Variants in SCHIP1 observed in about 807,000 individuals in gnomAD.
The protein encoded by SCHIP1 is schwannomin-interacting protein 1.
In SCHIP1, 8 loss-of-function variants were observed where a neutral mutation model predicts 29.7. The observed-to-expected ratio is 0.27, with a 90% CI of 0.16 to 0.49. SCHIP1 has a LOEUF of 0.49. Among genes scored for constraint, SCHIP1 ranks in the 20% least tolerant of loss-of-function variants. The probability of loss-of-function intolerance (pLI) is 0.99; values close to 1 mark genes in which losing one functional copy is unlikely to be tolerated. For synonymous variants in SCHIP1, 76 were observed against 94.9 expected (o/e 0.80, Z 1.16); for missense variants, 193 against 294.6 (o/e 0.66, Z 2.52).
the SCHIP1 span, among the ~76,000 whole-genome samples, chr3:159,372,402 A>G: frequency 6.6e-6 from 1 of 152,158 alleles, no homozygotes; most frequent in African/African-American, 2.4e-5. Context: ...GTAGAAATAG[A>G]TAATTTTAAA....
chr3:159,875,027 A>AAC (rs1715652561), intron 2 of SCHIP1, among the ~76,000 whole-genome samples: 1 of 151,280 alleles, frequency 6.6e-6, no homozygotes, highest in Admixed American at 6.6e-5. Context: ...CTAAAAAAAA[A>AAC]AAAAACAAAA....
At chr3:159,738,148 G>T in the SCHIP1 span, among the ~76,000 whole-genome samples, 2 of 151,626 alleles carry the variant, frequency 1.3e-5, no homozygotes, top group African/African-American at 4.8e-5. Flanking sequence ...TCTAATGCAT[G>T]TTTTAACATG....
At chr3:159,560,717 T>C in the SCHIP1 span, among the ~76,000 whole-genome samples, 1 of 149,706 alleles carries the variant, frequency 6.7e-6, no homozygotes, top group Non-Finnish European at 1.5e-5. Context: ...CCTTCACTTA[T>C]TACCCTTTTT....
chr3:159,655,546 G>T, the SCHIP1 span, among the ~76,000 whole-genome samples: 407 of 152,268 alleles, frequency 2.7e-3, 4 homozygotes, highest in African/African-American at 9.4e-3. Context: ...TGAATCAGAA[G>T]CTGGAGATAG....
At chr3:159,521,897 T>C in the SCHIP1 span, among the ~76,000 whole-genome samples, 1 of 152,236 alleles carries the variant, frequency 6.6e-6, no homozygotes, top group Non-Finnish European at 1.5e-5. Flanking sequence ...CAACAATAGA[T>C]TGCAAATATT....
chr3:159,888,016 G>GT (rs1717128210), intron 4 of SCHIP1, 111 bp downstream of exon 5: 1 of 1,397,426 alleles, frequency 7.2e-7, no homozygotes, highest in African/African-American at 1.5e-5. Context: ...AAGGCGGTTT[G>GT]TAAAAAGTCC....
chr3:159,806,405 G>GTCTC, the SCHIP1 span, among the ~76,000 whole-genome samples: 2 of 152,196 alleles, frequency 1.3e-5, no homozygotes, highest in Non-Finnish European at 2.9e-5. Flanking sequence ...GTTAGGAAGA[G>GTCTC]AGAGGAAAGG....
At chr3:159,785,133 T>A in the SCHIP1 span, among the ~76,000 whole-genome samples, 2 of 152,256 alleles carry the variant, frequency 1.3e-5, no homozygotes, top group Non-Finnish European at 2.9e-5. Flanking sequence ...CTAGAGGTTA[T>A]GAACTAGACG....
At chr3:159,839,956 C>G in exon 1 of SCHIP1, 5 of 1,418,956 alleles carry the variant, frequency 3.5e-6, no homozygotes, top group Non-Finnish European at 4.6e-6. Context: ...AAGCCTGCCT[C>G]ACTGGTTTCG....
chr3:159,549,132 A>C, the SCHIP1 span, among the ~76,000 whole-genome samples: 1 of 152,154 alleles, frequency 6.6e-6, no homozygotes, highest in Non-Finnish European at 1.5e-5. Context: ...CATTAGCTGT[A>C]GTCTGACTCA....
chr3:159,782,318 A>G, the SCHIP1 span, among the ~76,000 whole-genome samples: 2 of 152,214 alleles, frequency 1.3e-5, no homozygotes, highest in African/African-American at 4.8e-5. Context: ...AATCACAGAG[A>G]GAGTGCGTGT....
the SCHIP1 span, among the ~76,000 whole-genome samples, chr3:159,563,175 A>G: frequency 6.6e-6 from 1 of 152,204 alleles, no homozygotes; most frequent in African/African-American, 2.4e-5. Flanking sequence ...GTTGGGAAGC[A>G]TACAAAGCTT....
At chr3:159,589,237 C>G in the SCHIP1 span, among the ~76,000 whole-genome samples, 39 of 152,154 alleles carry the variant, frequency 2.6e-4, no homozygotes, top group African/African-American at 8.7e-4. Context: ...ATTGTGGATG[C>G]GAGTTCACTC....
chr3:159,581,630 G>A, the SCHIP1 span, among the ~76,000 whole-genome samples: 710 of 152,240 alleles, frequency 4.7e-3, 6 homozygotes, highest in African/African-American at 0.017. Flanking sequence ...CCTCTACAGA[G>A]AAGGGGAGAG....
the SCHIP1 span, among the ~76,000 whole-genome samples, chr3:159,403,126 A>G: frequency 2.4e-4 from 36 of 152,152 alleles, no homozygotes; most frequent in Admixed American, 2.2e-3. Context: ...TACTTTATCC[A>G]TTCCTTTAAT....
chr3:159,285,999 GT>G, the SCHIP1 span, among the ~76,000 whole-genome samples: 8 of 151,862 alleles, frequency 5.3e-5, no homozygotes, highest in Admixed American at 5.2e-4. Flanking sequence ...CATATGCATT[GT>G]TTTGTGATCT....
rs757893691 is a variant in SCHIP1 at position 159,866,392 on chromosome 3, G to A, written c.149+111G>A. 4.0e-5 allele frequency: 37 copies of A among 924,062 alleles called. No individual in the cohort carries two copies. In the African/African-American group the frequency reaches 5.1e-4, roughly 13 times the overall value. 57.2% of individuals were successfully genotyped at this position (924,062 alleles called of 1,614,324 possible). On this transcript the variant is annotated intron_variant, in intron 2 of 6. Coordinates refer to ENST00000445224, the Ensembl canonical transcript of SCHIP1. The stretch of plus-strand genomic sequence containing the variant: ...CTTCTGTAGTTTTTTTTTCCCCCTC[G>A]CATAATACTGCCATCTTTATTTGGG...
chr3:159,659,200 G>C, the SCHIP1 span, among the ~76,000 whole-genome samples: 1 of 152,220 alleles, frequency 6.6e-6, no homozygotes, highest in African/African-American at 2.4e-5. Flanking sequence ...CTTCAGAGAA[G>C]CCCTTAGCTA....
At chr3:159,619,218 A>AG in the SCHIP1 span, among the ~76,000 whole-genome samples, 4 of 152,226 alleles carry the variant, frequency 2.6e-5, no homozygotes, top group Non-Finnish European at 5.9e-5. Context: ...AAAGAAAAAA[A>AG]GAAAACATCC....
Sources: allele counts gnomAD v4.1 joint callset (sites outside exome capture counted in the v4.1 genomes callset), GRCh38; gene constraint gnomAD v4.1.1; transcripts MANE v1.5; gene names NCBI Gene and HGNC (gene_info 2026-07-23, HGNC 2026-07-21).